The following PRMT8 variants were observed in gnomAD, a reference collection of about 807,000 sequenced individuals.
The protein encoded by PRMT8 is protein arginine methyltransferase 8, also known as protein arginine N-methyltransferase 8.
Under a neutral mutation model 47.1 loss-of-function variants are expected in PRMT8, and 7 were observed. That is an observed-to-expected ratio of 0.15 (90% CI 0.08 to 0.28). PRMT8 has a LOEUF of 0.28. Among genes scored for constraint, PRMT8 ranks in the 10% least tolerant of loss-of-function variants. The pLI is 1.00. For missense variants in PRMT8, 237 were observed against 505.4 expected, an observed-to-expected ratio of 0.47 and a Z score of 5.09; for synonymous variants, 188 against 186.5, an observed-to-expected ratio of 1.01 and a Z score of -0.07.
chr12:3,491,421 G>C lies in PRMT8; in HGVS notation c.-205G>C. On this transcript the variant is annotated 5_prime_UTR_variant, in exon 1 of 10. Coordinates refer to ENST00000382622, the MANE Select transcript of PRMT8 (RefSeq NM_019854.5). The stretch of plus-strand genomic sequence containing the variant: ...ACTTGAAACCGTGTGAAGGAATCCG[G>C]AGCAGATGAGAAGGGAGGAAAATAA... The C allele has an allele frequency of 7.4e-7, 1 of 1,351,382 alleles. No homozygotes were observed. Among genetic ancestry groups the C allele is most frequent in the Non-Finnish European group, 9.5e-7 (1 of 1,051,922 alleles). The allele number at this position is 1,351,382 out of a possible 1,614,324, so 83.7% of individuals were successfully genotyped here. A position where few individuals can be genotyped will look rare whatever the true frequency, so the allele number is the denominator to read the frequency against.
chr12:3,559,954 A>G (rs1159300724), intron 4 of PRMT8, among the ~76,000 whole-genome samples: 4 of 152,242 alleles, frequency 2.6e-5, no homozygotes, highest in Admixed American at 2.6e-4. Flanking sequence ...AAAGGCTTGA[A>G]GAGTGCAAAC....
Position 3,550,407 on chromosome 12 carries a change from T to G in PRMT8, c.417+316T>G, listed in dbSNP as rs1204912142. On this transcript the variant is annotated intron_variant, in intron 3 of 9. Transcript: ENST00000382622. The surrounding 1 kb of genome is among the most constrained non-coding windows in gnomAD (Gnocchi z 5.1). ...CTTCAGAGGCAGTGCAGGTGGTTAC[T>G]CGGGGGAGCTCTGGTTTGAATCTCT... is the stretch of plus-strand genomic sequence containing the variant. 1 of 295,690 alleles carries G rather than the reference T, an allele frequency of 3.4e-6. No homozygotes were observed. Among genetic ancestry groups the G allele is most frequent in the African/African-American group, 2.1e-5 (1 of 48,272 alleles). The allele number at this position is 295,690 out of a possible 1,614,324, so 18.3% of individuals were successfully genotyped here. A position where few individuals can be genotyped will look rare whatever the true frequency, so the allele number is the denominator to read the frequency against.
rs933675342 is a variant in PRMT8 at position 3,381,501 on chromosome 12, A to G, written c.48+59A>G. On this transcript the variant is annotated intron_variant, in intron 1 of 9. Coordinates refer to the PRMT8 transcript ENST00000452611. ...CTTCTTCCTGCAAGTGAAATAGTGC[A>G]ATTTATCTTGACCCCGTGTGGGCTG... 8.0e-6 allele frequency: 12 copies of G among 1,493,740 alleles called. No homozygotes were observed. The Admixed American group carries it at 2.0e-4, about 24-fold the overall frequency. 92.5% of individuals were successfully genotyped at this position (1,493,740 alleles called of 1,614,324 possible).
In PRMT8 at chr12:3,550,318, C is replaced by T. The variant is rs2137176386; in HGVS notation, c.417+227C>T. 1 of 523,046 alleles carries T rather than the reference C, an allele frequency of 1.9e-6. No individual in the cohort carries two copies. The highest frequency in any genetic ancestry group is 2.8e-5 in the South Asian group (1 of 36,008). 32.4% of individuals were successfully genotyped at this position (523,046 alleles called of 1,614,324 possible). On this transcript the variant is annotated intron_variant, in intron 3 of 9. Transcript: ENST00000382622. This position sits in a 1 kb window ranked among gnomAD's most constrained non-coding sequence, Gnocchi z 5.1. ...ACAACCACTGACATTTGCGGAGGAA[C>T]TGTGGCTTTCCTGAGACCATTCCAA... is the stretch of plus-strand genomic sequence containing the variant.
In PRMT8 at chr12:3,436,135, G is replaced by T. The variant is rs1439443916; in HGVS notation, c.48+54693G>T. Among the ~76,000 whole-genome samples, 1 of 152,122 alleles carries T rather than the reference G, an allele frequency of 6.6e-6. No homozygotes were observed. Among genetic ancestry groups the T allele is most frequent in the Non-Finnish European group, 1.5e-5 (1 of 68,026 alleles). The stretch of plus-strand genomic sequence containing the variant: ...GAGTGAAGGTTATTGGGTGCCTCAG[G>T]CCCTGCTTACCTGCTTATAAAAAAG... On this transcript the variant is annotated intron_variant, in intron 1 of 9. Coordinates refer to the PRMT8 transcript ENST00000452611. The surrounding 1 kb of genome is among the most constrained non-coding windows in gnomAD (Gnocchi z 4.2).
At chr12:3,445,241 C>T (rs1864845549) in intron 1 of PRMT8, among the ~76,000 whole-genome samples, 1 of 152,234 alleles carries the variant, frequency 6.6e-6, no homozygotes, top group African/African-American at 2.4e-5. Flanking sequence ...TGCTAACCCT[C>T]CTGGTGCCCA....
chr12:3,396,918 A>C (rs1196987342), intron 1 of PRMT8, among the ~76,000 whole-genome samples: 1 of 151,592 alleles, frequency 6.6e-6, no homozygotes, highest in Non-Finnish European at 1.5e-5. Flanking sequence ...ATTTCTTTTT[A>C]TTCTTTTTTC....
chr12:3,424,208 T>C (rs892969242), intron 1 of PRMT8, among the ~76,000 whole-genome samples: 5 of 152,336 alleles, frequency 3.3e-5, no homozygotes, highest in South Asian at 2.1e-4. Flanking sequence ...GAGGATCCAG[T>C]CTGGCCCCAT....
rs905881502 is a variant in PRMT8 at position 3,593,461 on chromosome 12, G to A, written c.*279G>A. 9.2e-6 allele frequency: 4 copies of A among 433,810 alleles called. No individual in the cohort carries two copies. The highest frequency in any genetic ancestry group is 2.6e-5 in the South Asian group (1 of 38,830). 26.9% of individuals were successfully genotyped at this position (433,810 alleles called of 1,614,324 possible). A position where few individuals can be genotyped will look rare whatever the true frequency, so the allele number is the denominator to read the frequency against. ...GTGGCTGGGCCCCGAGGGTGGAAAC[G>A]TATTCGCGTCTCCCCGTCTCCTCCT... On this transcript the variant is annotated 3_prime_UTR_variant, in exon 10 of 10. Transcript: ENST00000382622. The surrounding 1 kb of genome is among the most constrained non-coding windows in gnomAD (Gnocchi z 4.8).
intron 8 of PRMT8, 142 bp from the exon 9 acceptor site, chr12:3,592,089 C>T: frequency 2.1e-6 from 2 of 931,492 alleles, no homozygotes; most frequent in East Asian, 5.8e-5. Flanking sequence ...ATGCACCTGA[C>T]CCAACAAGAG....
intron 1 of PRMT8, among the ~76,000 whole-genome samples, chr12:3,396,867 G>T (rs1179860633): frequency 6.6e-6 from 1 of 151,642 alleles, no homozygotes; most frequent in Non-Finnish European, 1.5e-5. Flanking sequence ...ACATAGATTT[G>T]GTCTTTTCAC....
At chr12:3,561,292 G>A (rs1362384426) in intron 4 of PRMT8, among the ~76,000 whole-genome samples, 1 of 152,204 alleles carries the variant, frequency 6.6e-6, no homozygotes, top group Non-Finnish European at 1.5e-5. Context: ...CTGCCTGCCA[G>A]CGGTTGTGGA....
rs1328635725 is a variant in PRMT8, at chr12:3,538,975, C to G, written c.76-1631C>G. Among the ~76,000 whole-genome samples, 1 of 152,242 alleles carries G rather than the reference C, an allele frequency of 6.6e-6. No homozygotes were observed. Among genetic ancestry groups the G allele is most frequent in the Non-Finnish European group, 1.5e-5 (1 of 68,040 alleles). ...CCACTGCCCCCAGCTCACTCCCCTG[C>G]AGCCCTGGACACAGAACAGTCTTGG... On this transcript the variant is annotated intron_variant, in intron 1 of 9. Transcript: ENST00000382622. The surrounding 1 kb of genome is among the most constrained non-coding windows in gnomAD (Gnocchi z 4.6).
intron 2 of PRMT8, among the ~76,000 whole-genome samples, chr12:3,544,344 G>A (rs978435805): frequency 3.3e-5 from 5 of 152,186 alleles, no homozygotes; most frequent in African/African-American, 1.2e-4. Context: ...CCTGGGGCCT[G>A]GGACCTCCAG....
intron 1 of PRMT8, among the ~76,000 whole-genome samples, chr12:3,417,731 G>A (rs1448312267): frequency 6.6e-6 from 1 of 152,184 alleles, no homozygotes; most frequent in Non-Finnish European, 1.5e-5. Context: ...ACTCCAGTGA[G>A]GTTTATGGGA....
chr12:3,519,126 T>C (rs1357178893), intron 1 of PRMT8, among the ~76,000 whole-genome samples: 2 of 151,974 alleles, frequency 1.3e-5, no homozygotes, highest in Admixed American at 6.6e-5. Context: ...CTGTCCGTCT[T>C]TGCAGACGGA....
At chr12:3,478,569 C>CT (rs1451842666) in intron 1 of PRMT8, among the ~76,000 whole-genome samples, 11 of 152,216 alleles carry the variant, frequency 7.2e-5, no homozygotes, top group African/African-American at 2.7e-4. Flanking sequence ...TCTCTAGGTG[C>CT]TTCTAAGGCA....
At chr12:3,591,409 T>C (rs1867301613) in intron 8 of PRMT8, among the ~76,000 whole-genome samples, 1 of 108,974 alleles carries the variant, frequency 9.2e-6, no homozygotes, top group Non-Finnish European at 2.1e-5. Context: ...GGAAAGCTCT[T>C]TTTTTTTTTT....
intron 1 of PRMT8, among the ~76,000 whole-genome samples, chr12:3,415,540 C>T (rs1864475201): frequency 6.6e-6 from 1 of 152,164 alleles, no homozygotes; most frequent in Non-Finnish European, 1.5e-5. Context: ...TACAAAAATA[C>T]ATCACTTTGG....
Sources: allele counts gnomAD v4.1 joint callset (sites outside exome capture counted in the v4.1 genomes callset), GRCh38; gene constraint gnomAD v4.1.1; non-coding constraint Gnocchi (gnomAD v3.1); transcripts MANE v1.5; gene names NCBI Gene and HGNC (gene_info 2026-07-23, HGNC 2026-07-21).